Variants in DGLUCY observed in about 807,000 individuals in gnomAD.
The protein encoded by DGLUCY is D-glutamate cyclase, mitochondrial.
In DGLUCY, 58 loss-of-function variants were observed where a neutral mutation model predicts 58.5. The observed-to-expected ratio is 0.99, with a 90% CI of 0.80 to 1.23. The LOEUF (loss-of-function observed/expected upper bound fraction) is 1.23, where lower values mean the gene tolerates loss of function less well. Among genes scored for constraint, DGLUCY ranks in the 50% most tolerant of loss-of-function variants. The pLI is 0.00. For synonymous variants in DGLUCY, 325 were observed against 314.1 expected, an observed-to-expected ratio of 1.03 and a Z score of -0.37; for missense variants, 779 against 784.7, an observed-to-expected ratio of 0.99 and a Z score of 0.09.
chr14:91,170,148 G>C lies in DGLUCY; in HGVS notation c.403G>C (p.Ala135Pro), dbSNP rs776751842. The part of the protein sequence containing the change: ...SFSLEEALEK[A>P]GLPRRDPAGH... ...CTCCCTGGAGGAGGCCTTGGAGAAA[G>C]CGGGGCTCCCCAGAAGAGACCCAGC... The change falls in exon 5 of 14, where the codon GCG becomes CCG. Residue 135 changes from alanine (A) to proline (P), a missense_variant. Physicochemically the swap from Ala to Pro is conservative, Grantham distance 27. Coordinates refer to ENST00000256324, the MANE Select transcript of DGLUCY (RefSeq NM_001102368.3). The C allele has an allele frequency of 1.2e-6, 2 of 1,613,636 alleles. No individual in the cohort carries two copies. The highest frequency in any genetic ancestry group is 1.7e-5 in the Admixed American group (1 of 60,032).
chr14:91,197,823 C>CT (rs2050309562), intron 10 of DGLUCY, among the ~76,000 whole-genome samples: 1 of 152,146 alleles, frequency 6.6e-6, no homozygotes, highest in South Asian at 2.1e-4. Flanking sequence ...GCTTCCTGCT[C>CT]TTGGCTATGC....
At chr14:91,070,048 G>T (rs1004068472) in intron 1 of DGLUCY, among the ~76,000 whole-genome samples, 7 of 152,080 alleles carry the variant, frequency 4.6e-5, no homozygotes, top group African/African-American at 1.7e-4. Context: ...GTGATCTACA[G>T]ATAAGGCAAA....
At chr14:91,187,854 T>A (rs773306503) in intron 8 of DGLUCY, among the ~76,000 whole-genome samples, 1 of 152,156 alleles carries the variant, frequency 6.6e-6, no homozygotes, top group African/African-American at 2.4e-5. Flanking sequence ...TTACTGTTTT[T>A]TTTTCCGCTT....
chr14:91,101,041 A>C (rs1334994239), intron 1 of DGLUCY, among the ~76,000 whole-genome samples: 1 of 152,104 alleles, frequency 6.6e-6, no homozygotes, highest in South Asian at 2.1e-4. Flanking sequence ...GCTCCACCCC[A>C]GCCTGGGCAA....
intron 8 of DGLUCY, among the ~76,000 whole-genome samples, chr14:91,186,306 G>A (rs2049518504): frequency 6.6e-6 from 1 of 152,056 alleles, no homozygotes; most frequent in South Asian, 2.1e-4. Context: ...GAGTGCAGTG[G>A]TGCGATCTCA....
chr14:91,084,167 C>T (rs536360142), intron 1 of DGLUCY, among the ~76,000 whole-genome samples: 47 of 151,698 alleles, frequency 3.1e-4, no homozygotes, highest in Non-Finnish European at 5.6e-4. Flanking sequence ...TATTCGATTC[C>T]AAGCATTAGC....
upstream of DGLUCY, among the ~76,000 whole-genome samples, chr14:91,106,227 G>C (rs1011949900): frequency 6.6e-6 from 1 of 151,842 alleles, no homozygotes; most frequent in South Asian, 2.1e-4. Context: ...AGAATCGCTC[G>C]AACCCGGGAG....
rs146791011 is a variant in DGLUCY, at chr14:91,186,255, C to A, written c.935-2655C>A. On this transcript the variant is annotated intron_variant, in intron 8 of 13. Coordinates refer to ENST00000256324, the MANE Select transcript of DGLUCY (RefSeq NM_001102368.3). ...ATGTTGTTATTCTTCTCCTCGCCCC[C>A]CCTTTTTTTGAGACAGAGTCTTGCT... is the stretch of plus-strand genomic sequence containing the variant. 1.2e-3 allele frequency among the ~76,000 whole-genome samples: 182 copies of A among 152,088 alleles called. 1 individual carries two copies. The highest frequency in any genetic ancestry group is 3.5e-3 in the African/African-American group (145 of 41,492).
chr14:91,132,088 TG>T (rs1194146459), intron 1 of DGLUCY, among the ~76,000 whole-genome samples: 1 of 152,156 alleles, frequency 6.6e-6, no homozygotes, highest in African/African-American at 2.4e-5. Flanking sequence ...CCACTGTACC[TG>T]GCCCCAATTT....
intron 12 of DGLUCY, among the ~76,000 whole-genome samples, chr14:91,211,891 C>G (rs1440934435): frequency 6.6e-6 from 1 of 152,182 alleles, no homozygotes; most frequent in Non-Finnish European, 1.5e-5. Context: ...ACCTCCACCT[C>G]CTGGGTTCAA....
rs142988629 is a variant in DGLUCY, at chr14:91,225,281, A to G, written c.*448A>G. 3.0e-3 allele frequency: 463 copies of G among 153,990 alleles called. 3 individuals carry two copies. In the South Asian group the frequency reaches 0.034, roughly 11 times the overall value. 9.5% of individuals were successfully genotyped at this position (153,990 alleles called of 1,614,324 possible). The stretch of plus-strand genomic sequence containing the variant: ...CATGGTTTCTGTTACTCATGGTTTC[A>G]GTTACTCATAGCCAACTGCAGACCG... On this transcript the variant is annotated 3_prime_UTR_variant, in exon 14 of 14. Transcript: ENST00000256324.
intron 5 of DGLUCY, among the ~76,000 whole-genome samples, chr14:91,171,190 C>G (rs2048558217): frequency 6.6e-6 from 1 of 152,078 alleles, no homozygotes; most frequent in Non-Finnish European, 1.5e-5. Context: ...AAACCGAGGT[C>G]TAAAGAGAGA....
At chr14:91,196,555 A>C in intron 10 of DGLUCY, 81 bp downstream of exon 10, 1 of 1,172,420 alleles carries the variant, frequency 8.5e-7, no homozygotes, top group African/African-American at 1.5e-5. Flanking sequence ...AAGTGTCTGC[A>C]CACCCAAGCC....
intron 13 of DGLUCY, 129 bp from the exon 14 acceptor site, chr14:91,224,555 C>A: frequency 9.0e-7 from 1 of 1,109,220 alleles, no homozygotes; most frequent in Non-Finnish European, 1.2e-6. Flanking sequence ...GTACTTTAAA[C>A]CAAAATTTTA....
chr14:91,125,862 A>G (rs4904749), intron 1 of DGLUCY, among the ~76,000 whole-genome samples: 131,221 of 152,182 alleles, frequency 0.86, 56,809 homozygotes, highest in East Asian at 1. Flanking sequence ...AACCGAGGAG[A>G]TAGAGGCTGC....
chr14:91,224,949 G>A lies in DGLUCY; in HGVS notation c.*116G>A, dbSNP rs187712668. On this transcript the variant is annotated 3_prime_UTR_variant, in exon 14 of 14. Coordinates refer to ENST00000256324, the MANE Select transcript of DGLUCY (RefSeq NM_001102368.3). ...TAAACACTGGTCTTCGGTGAGCAAC[G>A]AACACTCGCCTGGCCTGGGAAACTG... The A allele has an allele frequency of 1.5e-5, 18 of 1,234,932 alleles. No individual in the cohort carries two copies. Among genetic ancestry groups the A allele is most frequent in the Middle Eastern group, 2.9e-4 (1 of 3,446 alleles). The allele number at this position is 1,234,932 out of a possible 1,614,324, so 76.5% of individuals were successfully genotyped here.
intron 10 of DGLUCY, among the ~76,000 whole-genome samples, chr14:91,197,393 C>T (rs945772423): frequency 6.6e-6 from 1 of 152,254 alleles, no homozygotes; most frequent in African/African-American, 2.4e-5. Context: ...GTGTGAGCCA[C>T]TGTACCTGGC....
At position 91,215,498 on chromosome 14, in the gene DGLUCY, G is replaced by T. The variant is rs1886378061; in HGVS notation, c.1658G>T (p.Gly553Val). The T allele has an allele frequency of 6.2e-7, 1 of 1,614,210 alleles. No individual in the cohort carries two copies. The highest frequency in any genetic ancestry group is 8.5e-7 in the Non-Finnish European group (1 of 1,180,042). ...AGTCAGTACCTGAGGAAAGCAGTCG[G>T]ACCCTCCAGGGCACCTGGAGATCAG... ...VHSQYLRKAV[G>V]PSRAPGDQAW... Residue 553 changes from glycine to valine, a missense_variant, in exon 13 of 14, where the codon GGA becomes GTA. Physicochemically the swap from Gly to Val is moderately radical, Grantham distance 109. Coordinates refer to ENST00000256324, the MANE Select transcript of DGLUCY (RefSeq NM_001102368.3).
intron 1 of DGLUCY, among the ~76,000 whole-genome samples, chr14:91,084,193 C>T (rs1163815374): frequency 6.7e-6 from 1 of 150,126 alleles, no homozygotes; most frequent in Non-Finnish European, 1.5e-5. Context: ...TCTCCACCAT[C>T]ATCTGTCTCT....
Sources: gnomAD v4.1 joint callset for allele counts (sites outside exome capture counted in the v4.1 genomes callset) on GRCh38, gnomAD v4.1.1 for gene constraint, MANE v1.5 for transcripts, NCBI Gene and HGNC (gene_info 2026-07-23, HGNC 2026-07-21) for gene names.